The following NEDD9 variants were observed in gnomAD, a reference collection of about 807,000 sequenced individuals.
The protein encoded by NEDD9 is neural precursor cell expressed, developmentally down-regulated 9.
A neutral mutation model predicts 76.6 loss-of-function variants in NEDD9; 26 were observed. The observed-to-expected ratio is 0.34, with a 90% confidence interval of 0.25 to 0.47. The LOEUF is 0.47. Ranked by LOEUF, NEDD9 falls within the 20% of genes least tolerant of loss-of-function variation. The probability of loss-of-function intolerance (pLI) is 1.00; values close to 1 mark genes in which losing one functional copy is unlikely to be tolerated. For synonymous variants in NEDD9, 392 were observed against 414.2 expected (o/e 0.95, Z 0.65); for missense variants, 937 against 1,058.5 (o/e 0.89, Z 1.59).
At position 11,257,775 on chromosome 6, in the gene NEDD9, C is replaced by CTGTGTGTGTGTGTGTGTGTGTG. The variant is rs3067253; in HGVS notation, c.13-44070_13-44049dup. On this transcript the variant is annotated intron_variant, in intron 3 of 3. Transcript: ENST00000397378. Reference sequence around the variant, plus strand: ...CAGAGTGACAGAAACAATGTAGATTCTGTGTGTGTGTGTGTGTGTGTGTGT... The same window carrying CTGTGTGTGTGTGTGTGTGTGTG: ...CAGAGTGACAGAAACAATGTAGATTCTGTGTGTGTGTGTGTGTGTGTGTGTGTGTGTGTGTGTGTGTGTGTGT... 2.4e-3 allele frequency among the ~76,000 whole-genome samples: 346 copies of CTGTGTGTGTGTGTGTGTGTGTG among 143,058 alleles called. 2 individuals are homozygous for CTGTGTGTGTGTGTGTGTGTGTG. The highest frequency in any genetic ancestry group is 8.3e-3 in the African/African-American group (310 of 37,240). 93.9% of individuals were successfully genotyped at this position (143,058 alleles called of 152,430 possible). A position where few individuals can be genotyped will look rare whatever the true frequency, so the allele number is the denominator to read the frequency against.
At chr6:11,249,036 A>G (rs908279188) in intron 3 of NEDD9, 3 of 435,398 alleles carry the variant, frequency 6.9e-6, no homozygotes, top group African/African-American at 4.0e-5. Context: ...CATCCCCATG[A>G]TGGGTAATTT....
chr6:11,316,185 G>T (rs1761554842), intron 2 of NEDD9, among the ~76,000 whole-genome samples: 1 of 152,138 alleles, frequency 6.6e-6, no homozygotes, highest in Non-Finnish European at 1.5e-5. Context: ...CTTCGTTATT[G>T]AGTCTCTGAT....
At chr6:11,363,286 GC>G (rs1762709187) in intron 1 of NEDD9, among the ~76,000 whole-genome samples, 1 of 152,202 alleles carries the variant, frequency 6.6e-6, no homozygotes, top group African/African-American at 2.4e-5. Context: ...TAACTACTTT[GC>G]ATTGGGAGAA....
upstream of NEDD9, among the ~76,000 whole-genome samples, chr6:11,234,992 G>T (rs551320468): frequency 6.6e-6 from 1 of 152,130 alleles, no homozygotes; most frequent in East Asian, 1.9e-4. Flanking sequence ...GATTACAGGC[G>T]TGGGCCACTG....
chr6:11,190,530 C>T lies in NEDD9; in HGVS notation c.1339G>A (p.Glu447Lys). 6.2e-7 allele frequency: 1 copy of T among 1,614,196 alleles called. No homozygotes were observed. Among genetic ancestry groups the T allele is most frequent in the Non-Finnish European group, 8.5e-7 (1 of 1,180,032 alleles). The change falls in exon 5 of 7, where the codon GAA (glutamate) becomes AAA (lysine). Residue 447 changes from glutamate (E) to lysine (K), a missense_variant. Transcript: ENST00000379446. This position sits in a 1 kb window ranked among gnomAD's most constrained non-coding sequence, Gnocchi z 5.8. ...CYGYMERHIN[E>K]IRTAVDKVEL... is the part of the protein sequence containing the mutation. ...ACCTTGTCCACTGCTGTGCGTATTT[C>T]ATTGATGTGTCTTTCCATATATCCG...
intron 2 of NEDD9, among the ~76,000 whole-genome samples, chr6:11,320,931 G>T (rs1761781986): frequency 1.3e-5 from 2 of 151,938 alleles, no homozygotes; most frequent in South Asian, 4.1e-4. Flanking sequence ...GTATGGCAGG[G>T]GTGGGGTGGG....
chr6:11,325,002 G>A (rs938967564), intron 2 of NEDD9, among the ~76,000 whole-genome samples: 2 of 152,194 alleles, frequency 1.3e-5, no homozygotes, highest in African/African-American at 4.8e-5. Context: ...CAACCCATAG[G>A]CCTTTTTTAA....
At chr6:11,259,820 G>A (rs139953731) in intron 3 of NEDD9, among the ~76,000 whole-genome samples, 186 of 152,166 alleles carry the variant, frequency 1.2e-3, no homozygotes, top group African/African-American at 4.2e-3. Flanking sequence ...CAATTTTAAC[G>A]TGTAGGATGA....
intron 3 of NEDD9, among the ~76,000 whole-genome samples, chr6:11,303,286 A>G (rs1761100026): frequency 6.6e-6 from 1 of 152,202 alleles, no homozygotes; most frequent in African/African-American, 2.4e-5. Flanking sequence ...AAAGAATAAA[A>G]TACCTGGGAA....
intron 3 of NEDD9, among the ~76,000 whole-genome samples, chr6:11,260,095 A>C (rs57562398): frequency 0.057 from 8,668 of 152,270 alleles, 384 homozygotes; most frequent in African/African-American, 0.12. Flanking sequence ...AACCCAAAAA[A>C]CGGAAATTAA....
At chr6:11,189,599 T>C (rs1329655797) in intron 5 of NEDD9, among the ~76,000 whole-genome samples, 3 of 152,094 alleles carry the variant, frequency 2.0e-5, no homozygotes, top group Non-Finnish European at 4.4e-5. Context: ...GTGGAGCTGG[T>C]ATTATTATTA....
At chr6:11,349,245 C>T (rs1251931477) in intron 1 of NEDD9, among the ~76,000 whole-genome samples, 22 of 152,086 alleles carry the variant, frequency 1.4e-4, no homozygotes. Context: ...GTCAGAATGG[C>T]TATTAACAAA....
chr6:11,275,565 C>CACACACACATATATATAT (rs551632582), intron 3 of NEDD9, among the ~76,000 whole-genome samples: 1,510 of 150,180 alleles, frequency 0.01, 20 homozygotes, highest in African/African-American at 0.034. Context: ...CACACACACA[C>CACACACACATATATATAT]ATATATATAT....
Position 11,184,910 on chromosome 6 carries a change from G to A in NEDD9, c.*252C>T, listed in dbSNP as rs540862038. 30 of 355,608 alleles carry A rather than the reference G, an allele frequency of 8.4e-5. No individual in the cohort carries two copies. The highest frequency in any genetic ancestry group is 1.3e-4 in the Non-Finnish European group (25 of 198,794). The allele number at this position is 355,608 out of a possible 1,614,324, so 22.0% of individuals were successfully genotyped here. On this transcript the variant is annotated 3_prime_UTR_variant, in exon 7 of 7. Transcript: ENST00000379446. ...TGAATACATGGGCATACAAAAGCAC[G>A]TGGACAAGTTTTCTGTACAGTTTAT...
At chr6:11,341,405 G>C (rs1276944935) in intron 1 of NEDD9, among the ~76,000 whole-genome samples, 1 of 152,138 alleles carries the variant, frequency 6.6e-6, no homozygotes, top group Non-Finnish European at 1.5e-5. Flanking sequence ...CAAAGACAAA[G>C]CCCTAGAAGT....
intron 4 of NEDD9, 65 bp from the exon 5 acceptor site, chr6:11,191,270 TG>T (rs1485060475): frequency 6.7e-7 from 1 of 1,502,482 alleles, no homozygotes; most frequent in Non-Finnish European, 8.9e-7. Flanking sequence ...TGTGGTCCCA[TG>T]TGCTCAGTCC....
At chr6:11,368,162 G>C (rs1410722782) in intron 1 of NEDD9, among the ~76,000 whole-genome samples, 2 of 152,208 alleles carry the variant, frequency 1.3e-5, no homozygotes. Flanking sequence ...CCTGATGGCT[G>C]TTTGCAAGCT....
At chr6:11,319,492 A>G (rs1387273408) in intron 2 of NEDD9, among the ~76,000 whole-genome samples, 2 of 147,802 alleles carry the variant, frequency 1.4e-5, no homozygotes, top group Non-Finnish European at 3.0e-5. Flanking sequence ...GCAAATAATC[A>G]CACACTCATG....
intron 5 of NEDD9, 84 bp from the exon 6 acceptor site, chr6:11,188,391 A>G (rs1484107770): frequency 8.5e-7 from 1 of 1,170,220 alleles, no homozygotes; most frequent in African/African-American, 1.5e-5. Flanking sequence ...ATGAGTAAAT[A>G]CTCTTTATTT....
Sources: allele counts gnomAD v4.1 joint callset (sites outside exome capture counted in the v4.1 genomes callset), GRCh38; gene constraint gnomAD v4.1.1; non-coding constraint Gnocchi (gnomAD v3.1); transcripts MANE v1.5; gene names NCBI Gene and HGNC (gene_info 2026-07-23, HGNC 2026-07-21).